The following RBX1 variants were observed in gnomAD, a reference collection of about 807,000 sequenced individuals.
RBX1 encodes ring-box 1.
For synonymous variants in RBX1, 48 were observed against 47.9 expected (o/e 1.00, Z -0.01); for missense variants, 46 against 141.4 (o/e 0.33, Z 3.42).
chr22:40,967,726 T>A (rs113625570), intron 3 of RBX1, 73 bp from the exon 4 acceptor site: 3 of 1,218,996 alleles, frequency 2.5e-6, no homozygotes, highest in African/African-American at 1.5e-5. Context: ...GCCACTACCC[T>A]GTGGGACCTG....
At chr22:40,956,217 C>A (rs1446716567) in intron 2 of RBX1, among the ~76,000 whole-genome samples, 1 of 151,876 alleles carries the variant, frequency 6.6e-6, no homozygotes, top group Non-Finnish European at 1.5e-5. Flanking sequence ...CAGTGGGATA[C>A]CTGTTTTGTT....
rs2146301576 is a variant in RBX1 at position 40,964,042 on chromosome 22, C to T, written c.158-5C>T. 6.2e-7 allele frequency: 1 copy of T among 1,613,104 alleles called. No individual in the cohort carries two copies. Among genetic ancestry groups the T allele is most frequent in the East Asian group, 2.2e-5 (1 of 44,866 alleles). On this transcript the variant is annotated splice_polypyrimidine_tract_variant and splice_region_variant and intron_variant, in intron 2 of 4. Transcript: ENST00000216225. Reference sequence around the variant, plus strand: ...CCAGTGATCCTGTTGCTCTTGTTCCCACAGGCATAGAATGTCAAGCTAACC... The same window carrying T: ...CCAGTGATCCTGTTGCTCTTGTTCCTACAGGCATAGAATGTCAAGCTAACC...
In RBX1 at chr22:40,972,999, C is replaced by T. The variant is rs1031369328; in HGVS notation, c.*511C>T. The T allele has an allele frequency of 6.3e-6, 1 of 158,310 alleles. No homozygotes were observed. Among genetic ancestry groups the T allele is most frequent in the African/African-American group, 2.4e-5 (1 of 41,556 alleles). 9.8% of individuals were successfully genotyped at this position (158,310 alleles called of 1,614,324 possible). A position where few individuals can be genotyped will look rare whatever the true frequency, so the allele number is the denominator to read the frequency against. ...GATGGCAATCTTGGCCAAGTTGTCT[C>T]TCTACTCTGAACTTTCCTCCTCTGT... On this transcript the variant is annotated 3_prime_UTR_variant, in exon 5 of 5. Coordinates refer to ENST00000216225, the MANE Select transcript of RBX1 (RefSeq NM_014248.4).
At chr22:40,958,813 G>A (rs1421084983) in intron 2 of RBX1, among the ~76,000 whole-genome samples, 1 of 151,574 alleles carries the variant, frequency 6.6e-6, no homozygotes, top group African/African-American at 2.4e-5. Context: ...GGTTTGGTTT[G>A]GTTTGGTTTG....
chr22:40,954,201 A>G (rs144534014), intron 2 of RBX1, among the ~76,000 whole-genome samples: 9,861 of 150,984 alleles, frequency 0.065, 1,051 homozygotes, highest in African/African-American at 0.22. Flanking sequence ...CCTGGGAGGC[A>G]GAGGTGGCAG....
intron 1 of RBX1, among the ~76,000 whole-genome samples, chr22:40,951,950 A>G (rs1050047209): frequency 1.3e-4 from 19 of 151,060 alleles, no homozygotes; most frequent in African/African-American, 4.7e-4. Flanking sequence ...CCCCTTTTTG[A>G]AGCTTGGGGT....
intron 2 of RBX1, among the ~76,000 whole-genome samples, chr22:40,958,377 T>C (rs772494818): frequency 4.3e-4 from 65 of 152,192 alleles, no homozygotes; most frequent in Non-Finnish European, 5.3e-4. Flanking sequence ...TTATCATTTT[T>C]ATAAAGACAA....
intron 3 of RBX1, among the ~76,000 whole-genome samples, chr22:40,965,280 G>T (rs991622623): frequency 1.1e-4 from 16 of 151,438 alleles, no homozygotes; most frequent in Non-Finnish European, 1.5e-4. Context: ...TCCAGCCTGG[G>T]TGACAAAGTG....
intron 2 of RBX1, among the ~76,000 whole-genome samples, chr22:40,960,834 C>T (rs2058337816): frequency 6.6e-6 from 1 of 152,190 alleles, no homozygotes; most frequent in African/African-American, 2.4e-5. Flanking sequence ...TCCCAGCTCA[C>T]TGCAACCTCT....
chr22:40,963,991 G>C (rs2058347616), intron 2 of RBX1, 56 bp from the exon 3 acceptor site: 1 of 1,343,134 alleles, frequency 7.4e-7, no homozygotes, highest in African/African-American at 1.4e-5. Context: ...GGCTGCTATA[G>C]ATTGAAACGT....
chr22:40,964,123 G>A lies in RBX1; in HGVS notation c.228+6G>A, dbSNP rs1359325577. 1 of 1,607,562 alleles carries A rather than the reference G, an allele frequency of 6.2e-7. No individual in the cohort carries two copies. The highest frequency in any genetic ancestry group is 1.7e-5 in the Admixed American group (1 of 60,002). ...TCGCATGGGGAGTCTGTAACGTAAG[G>A]AAGCATCTTTACCTGTCAGCATGGC... On this transcript the variant is annotated splice_donor_region_variant and intron_variant, in intron 3 of 4. Coordinates refer to ENST00000216225, the MANE Select transcript of RBX1 (RefSeq NM_014248.4).
chr22:40,962,216 C>T (rs1278097991), intron 2 of RBX1, among the ~76,000 whole-genome samples: 1 of 152,106 alleles, frequency 6.6e-6, no homozygotes, highest in African/African-American at 2.4e-5. Flanking sequence ...ATTCTCCTAC[C>T]TCAGCCTCCC....
intron 4 of RBX1, among the ~76,000 whole-genome samples, chr22:40,970,339 A>T (rs1349722712): frequency 2.0e-5 from 3 of 151,702 alleles, no homozygotes; most frequent in Non-Finnish European, 4.4e-5. Context: ...CAAAAGAGCA[A>T]AACTTCGTCT....
chr22:40,952,029 T>TA (rs1365284042), intron 1 of RBX1, among the ~76,000 whole-genome samples: 1 of 152,078 alleles, frequency 6.6e-6, no homozygotes, highest in African/African-American at 2.4e-5. Context: ...ACTGCCTGGT[T>TA]AGAGTCTGGA....
In RBX1 at chr22:40,967,921, C is replaced by A. The variant is rs1219574928; in HGVS notation, c.314+37C>A. 3 of 1,438,804 alleles carry A rather than the reference C, an allele frequency of 2.1e-6. No homozygotes were observed. In the South Asian group the frequency reaches 3.4e-5, roughly 16 times the overall value. 89.1% of individuals were successfully genotyped at this position (1,438,804 alleles called of 1,614,324 possible). ...TGGTTGTTTTGACGGGGCTTTTTGA[C>A]TTGCCTCAGGCTGAAAGGAGCGTGG... is the stretch of plus-strand genomic sequence containing the variant. On this transcript the variant is annotated intron_variant, in intron 4 of 4. Coordinates refer to ENST00000216225, the MANE Select transcript of RBX1 (RefSeq NM_014248.4).
rs139799381 is a variant in RBX1, at chr22:40,962,372, A to C, written c.158-1675A>C. On this transcript the variant is annotated intron_variant, in intron 2 of 4. Transcript: ENST00000216225. ...GTGCTGGCATTACAGGTGTGAGCCA[A>C]CATGCCCGGCCCACTTTCCACATTT... is the stretch of plus-strand genomic sequence containing the variant. Among the ~76,000 whole-genome samples the C allele has an allele frequency of 3.6e-3, 549 of 152,148 alleles. 2 individuals are homozygous for C. The highest frequency in any genetic ancestry group is 0.012 in the African/African-American group (490 of 41,502).
At chr22:40,951,514 G>C in intron 1 of RBX1, 38 bp downstream of exon 1, 1 of 1,597,884 alleles carries the variant, frequency 6.3e-7, no homozygotes, top group Middle Eastern at 1.7e-4. Context: ...GGAAGCTAGA[G>C]AGGCGCGGAT....
At chr22:40,972,424 C>T in intron 4 of RBX1, 52 bp from the exon 5 acceptor site, 5 of 1,515,430 alleles carry the variant, frequency 3.3e-6, no homozygotes, top group African/African-American at 1.4e-5. Flanking sequence ...TTTTATGTCT[C>T]AAACAGGAAA....
At chr22:40,965,652 G>GTTTAAA (rs1555894614) in intron 3 of RBX1, among the ~76,000 whole-genome samples, 2 of 152,208 alleles carry the variant, frequency 1.3e-5, no homozygotes, top group Non-Finnish European at 2.9e-5. Context: ...TGTTGGCCAG[G>GTTTAAA]CTGGTCTTAA....
Sources: allele counts gnomAD v4.1 joint callset (sites outside exome capture counted in the v4.1 genomes callset), GRCh38; gene constraint gnomAD v4.1.1; transcripts MANE v1.5; gene names NCBI Gene and HGNC (gene_info 2026-07-23, HGNC 2026-07-21).